The following WDR70 variants were observed in gnomAD, a reference collection of about 807,000 sequenced individuals.
WDR70 encodes WD repeat-containing protein 70.
Under a neutral mutation model 88.6 loss-of-function variants are expected in WDR70, and 53 were observed. The ratio of observed to expected loss-of-function variants is 0.60; its 90% CI spans 0.48 to 0.75. The LOEUF (loss-of-function observed/expected upper bound fraction) is 0.75, where lower values mean the gene tolerates loss of function less well. Among genes scored for constraint, WDR70 ranks in the 30% least tolerant of loss-of-function variants. The probability of loss-of-function intolerance (pLI) is 0.00; values close to 1 mark genes in which losing one functional copy is unlikely to be tolerated. For synonymous variants in WDR70, 280 were observed against 270.0 expected (o/e 1.04, Z -0.36); for missense variants, 610 against 823.2 (o/e 0.74, Z 3.17).
intron 10 of WDR70, among the ~76,000 whole-genome samples, chr5:37,693,144 C>G (rs1746862390): frequency 2.0e-5 from 3 of 152,126 alleles, no homozygotes. Flanking sequence ...ACCTGGGAAT[C>G]CAACTTACAA....
At chr5:37,656,345 TG>T (rs1417925896) in intron 10 of WDR70, among the ~76,000 whole-genome samples, 1 of 152,224 alleles carries the variant, frequency 6.6e-6, no homozygotes. Context: ...ACTTGCCAGA[TG>T]CCAGCTGGAG....
chr5:37,497,522 C>G (rs887598017), intron 8 of WDR70, among the ~76,000 whole-genome samples: 1 of 150,582 alleles, frequency 6.6e-6, no homozygotes, highest in Non-Finnish European at 1.5e-5. Context: ...CTCTTCCCTT[C>G]CCTTCCCTCT....
chr5:37,385,146 T>C (rs1748568831), intron 3 of WDR70, among the ~76,000 whole-genome samples: 1 of 152,110 alleles, frequency 6.6e-6, no homozygotes, highest in African/African-American at 2.4e-5. Flanking sequence ...GTGCAGAGCT[T>C]CTGTGCCCTC....
intron 13 of WDR70, among the ~76,000 whole-genome samples, chr5:37,712,714 T>C (rs189671124): frequency 1.3e-5 from 2 of 152,292 alleles, no homozygotes; most frequent in African/African-American, 4.8e-5. Context: ...TTTATTTTTA[T>C]TTTTTGAAAC....
chr5:37,601,144 G>C (rs1021087166), intron 9 of WDR70, among the ~76,000 whole-genome samples: 5 of 152,174 alleles, frequency 3.3e-5, no homozygotes, highest in African/African-American at 1.2e-4. Flanking sequence ...TGTTGAGTAT[G>C]ATGTTAGCTG....
chr5:37,453,402 G>GAA (rs1738735278), intron 7 of WDR70, among the ~76,000 whole-genome samples: 2 of 152,250 alleles, frequency 1.3e-5, no homozygotes, highest in African/African-American at 4.8e-5. Flanking sequence ...GGGATGGGCT[G>GAA]AAATAAAGGG....
chr5:37,459,254 G>T, intron 7 of WDR70, among the ~76,000 whole-genome samples: 1 of 80,176 alleles, frequency 1.2e-5, no homozygotes, highest in African/African-American at 3.4e-5. Context: ...CAACTATGTG[G>T]TCAATTTTGG....
At chr5:37,484,973 T>C (rs1174167526) in intron 8 of WDR70, among the ~76,000 whole-genome samples, 1 of 152,222 alleles carries the variant, frequency 6.6e-6, no homozygotes, top group African/African-American at 2.4e-5. Flanking sequence ...ATTGATAGTA[T>C]AGATAAACAT....
rs140423759 is a variant in WDR70 at position 37,696,664 on chromosome 5, TACAC to T, written c.1093-984_1093-981del. On this transcript the variant is annotated intron_variant, in intron 10 of 17. Coordinates refer to ENST00000265107, the MANE Select transcript of WDR70 (RefSeq NM_018034.4). ...TGGCATGTGTGTGTGGGTACACAGG[TACAC>T]ACACACGCGCGTGCACACACACCTA... Among the ~76,000 whole-genome samples, 291 of 140,758 alleles carry T rather than the reference TACAC, an allele frequency of 2.1e-3. 1 individual carries two copies. The highest frequency in any genetic ancestry group is 6.9e-3 in the African/African-American group (278 of 40,346). 92.3% of individuals were successfully genotyped at this position (140,758 alleles called of 152,430 possible).
intron 6 of WDR70, among the ~76,000 whole-genome samples, chr5:37,439,625 CTT>C (rs34032020): frequency 1.4e-3 from 176 of 128,944 alleles, no homozygotes; most frequent in East Asian, 2.0e-3. Context: ...TGGCTTAACT[CTT>C]TTTTTTTTTT....
intron 9 of WDR70, among the ~76,000 whole-genome samples, chr5:37,540,464 C>G (rs1487208084): frequency 6.6e-6 from 1 of 152,216 alleles, no homozygotes; most frequent in African/African-American, 2.4e-5. Flanking sequence ...TCACTGCAAT[C>G]TCCGCCTCCC....
chr5:37,473,432 C>T (rs1561865668), intron 7 of WDR70, among the ~76,000 whole-genome samples: 1 of 151,118 alleles, frequency 6.6e-6, no homozygotes, highest in East Asian at 1.9e-4. Context: ...TAACCTCTGC[C>T]TCCTGGGTTC....
intron 9 of WDR70, among the ~76,000 whole-genome samples, chr5:37,546,341 T>C (rs749130161): frequency 6.6e-6 from 1 of 152,186 alleles, no homozygotes; most frequent in Non-Finnish European, 1.5e-5. Context: ...TTGCCATATG[T>C]AACGGGTAAG....
At chr5:37,622,856 C>T (rs928007170) in intron 10 of WDR70, among the ~76,000 whole-genome samples, 5 of 151,992 alleles carry the variant, frequency 3.3e-5, no homozygotes, top group East Asian at 1.9e-4. Flanking sequence ...CTAACCTGCA[C>T]GTTGTGCACA....
At chr5:37,585,526 C>T (rs190882226) in intron 9 of WDR70, among the ~76,000 whole-genome samples, 3 of 152,310 alleles carry the variant, frequency 2.0e-5, no homozygotes, top group East Asian at 1.9e-4. Flanking sequence ...GTGACTTCTT[C>T]CTTTTCACTT....
chr5:37,605,448 T>C (rs1193005590), intron 10 of WDR70, among the ~76,000 whole-genome samples: 2 of 152,204 alleles, frequency 1.3e-5, no homozygotes, highest in Admixed American at 1.3e-4. Flanking sequence ...TTTCAGTACA[T>C]ATTATATTTT....
chr5:37,678,111 G>C lies in WDR70; in HGVS notation c.1093-19544G>C, dbSNP rs527935346. 2.9e-3 allele frequency among the ~76,000 whole-genome samples: 435 copies of C among 151,750 alleles called. 3 individuals carry two copies. Among genetic ancestry groups the C allele is most frequent in the African/African-American group, 0.01 (416 of 41,358 alleles). ...AGATCTTCCTCCATCCTTTTATTTT[G>C]AGCCTATATGTGTCTCTGCACGTGA... On this transcript the variant is annotated intron_variant, in intron 10 of 17. Coordinates refer to ENST00000265107, the MANE Select transcript of WDR70 (RefSeq NM_018034.4).
In WDR70 at chr5:37,708,915, A is replaced by G. The variant is rs543218691; in HGVS notation, c.1416+5828A>G. Reference sequence around the variant, plus strand: ...TGATTCTGAAGGAGTTGAGGAACTCATCTGTTCTTTCATTTCATACTGGGA... The same window carrying G: ...TGATTCTGAAGGAGTTGAGGAACTCGTCTGTTCTTTCATTTCATACTGGGA... On this transcript the variant is annotated intron_variant, in intron 13 of 17. Transcript: ENST00000265107. Among the ~76,000 whole-genome samples, 6 of 152,302 alleles carry G rather than the reference A, an allele frequency of 3.9e-5. No individual in the cohort carries two copies. In the South Asian group the frequency reaches 1.2e-3, roughly 32 times the overall value.
At chr5:37,464,354 T>G (rs2112113469) in intron 7 of WDR70, among the ~76,000 whole-genome samples, 1 of 152,316 alleles carries the variant, frequency 6.6e-6, no homozygotes, top group South Asian at 2.1e-4. Flanking sequence ...AAATTAGACA[T>G]AATGCCCTAT....
Sources: allele counts gnomAD v4.1 joint callset (sites outside exome capture counted in the v4.1 genomes callset), GRCh38; gene constraint gnomAD v4.1.1; transcripts MANE v1.5; gene names NCBI Gene and HGNC (gene_info 2026-07-23, HGNC 2026-07-21).